CD160: variants seen among roughly 807,000 people sequenced by gnomAD.
CD160 encodes the protein CD160 antigen.
A neutral mutation model predicts 19.2 loss-of-function variants in CD160; 11 were observed. The observed-to-expected ratio is 0.57, with a 90% CI of 0.36 to 0.95. CD160 has a LOEUF of 0.95. Ranked by LOEUF, CD160 falls within the 40% of genes least tolerant of loss-of-function variation. The pLI, the probability that CD160 is intolerant of heterozygous loss-of-function variation, is 0.01. For synonymous variants in CD160, 75 were observed against 81.1 expected (o/e 0.93, Z 0.40); for missense variants, 182 against 213.2 (o/e 0.85, Z 0.91).
chr1:145,728,239 T>TC lies in CD160; in HGVS notation c.-72-12dup. ...ACCCTGGAAGGCTTTGTCTAGTGGGTCCCCCTGTGCTTTTAGGAGACTGAA... is the reference window on the plus strand; with the variant it reads ...ACCCTGGAAGGCTTTGTCTAGTGGGTCCCCCCTGTGCTTTTAGGAGACTGAA... On this transcript the variant is annotated splice_polypyrimidine_tract_variant and intron_variant, in intron 2 of 5. Coordinates refer to ENST00000369288, the MANE Select transcript of CD160 (RefSeq NM_007053.4). 1 of 894,798 alleles carries TC rather than the reference T, an allele frequency of 1.1e-6. No individual in the cohort carries two copies. Among genetic ancestry groups the TC allele is most frequent in the Non-Finnish European group, 1.8e-6 (1 of 546,846 alleles). 55.4% of individuals were successfully genotyped at this position (894,798 alleles called of 1,614,324 possible). A position where few individuals can be genotyped will look rare whatever the true frequency, so the allele number is the denominator to read the frequency against.
intron 5 of CD160, chr1:145,736,361 A>T (rs1204137225): frequency 9.8e-6 from 13 of 1,321,610 alleles, no homozygotes; most frequent in Non-Finnish European, 1.2e-5. Context: ...AGGAGGTAAG[A>T]CTCATTAGGA....
At chr1:145,722,404 G>C (rs587723443) in intron 1 of CD160, among the ~76,000 whole-genome samples, 23 of 152,232 alleles carry the variant, frequency 1.5e-4, no homozygotes, top group Non-Finnish European at 2.2e-4. Flanking sequence ...TCTGACTCTA[G>C]AGACCATTTA....
chr1:145,720,010 G>A (rs941834778), intron 1 of CD160, among the ~76,000 whole-genome samples: 1 of 152,124 alleles, frequency 6.6e-6, no homozygotes. Context: ...GAATTGGGGG[G>A]AAAAATACAT....
At chr1:145,737,952 C>T (rs1266627192) in intron 5 of CD160, 2 of 152,270 alleles carry the variant, frequency 1.3e-5, no homozygotes, top group South Asian at 4.2e-4. Flanking sequence ...TTTTCTTTAT[C>T]CTTCTTCCCC....
At chr1:145,733,185 G>A (rs189574190) in intron 4 of CD160, among the ~76,000 whole-genome samples, 50 of 152,024 alleles carry the variant, frequency 3.3e-4, no homozygotes, top group African/African-American at 1.2e-3. Context: ...CCGGGCTGGA[G>A]AGCAGTGGCG....
At chr1:145,733,601 G>A (rs1303192586) in intron 4 of CD160, among the ~76,000 whole-genome samples, 2 of 152,002 alleles carry the variant, frequency 1.3e-5, no homozygotes, top group African/African-American at 4.8e-5. Flanking sequence ...TTTGTTCCTT[G>A]CTTCCTGGTG....
intron 3 of CD160, 96 bp downstream of exon 3, chr1:145,728,496 G>C: frequency 3.3e-6 from 2 of 603,304 alleles, no homozygotes; most frequent in Non-Finnish European, 5.6e-6. Context: ...GGGAAACAAA[G>C]GACTCTTTTT....
rs587774168 is a variant in CD160 at position 145,735,931 on chromosome 1, G to A, written c.401-66G>A. 137 of 1,085,984 alleles carry A rather than the reference G, an allele frequency of 1.3e-4. No homozygotes were observed. In the South Asian group the frequency reaches 2.0e-3, roughly 16 times the overall value. 67.3% of individuals were successfully genotyped at this position (1,085,984 alleles called of 1,614,324 possible). A position where few individuals can be genotyped will look rare whatever the true frequency, so the allele number is the denominator to read the frequency against. ...GATCATAAAAGAGATGTTATGAGAT[G>A]ATGCAAAAGGAGATACTGATGATTT... On this transcript the variant is annotated intron_variant, in intron 4 of 5. Transcript: ENST00000369288.
chr1:145,734,000 A>G (rs1171374528), intron 4 of CD160, among the ~76,000 whole-genome samples: 2 of 152,196 alleles, frequency 1.3e-5, no homozygotes, highest in South Asian at 2.1e-4. Context: ...TATCAAAGCT[A>G]TCCTCCTGAG....
intron 4 of CD160, among the ~76,000 whole-genome samples, chr1:145,735,518 G>A (rs1251384233): frequency 6.6e-6 from 1 of 152,134 alleles, no homozygotes; most frequent in African/African-American, 2.4e-5. Flanking sequence ...CTCGGGGCAT[G>A]AGGCTGCAGT....
At chr1:145,728,704 A>G (rs587649312) in intron 3 of CD160, among the ~76,000 whole-genome samples, 1 of 152,074 alleles carries the variant, frequency 6.6e-6, no homozygotes, top group South Asian at 2.1e-4. Flanking sequence ...GGGTTTCACC[A>G]TATTGGTCAG....
chr1:145,721,752 C>A (rs1247048973), intron 1 of CD160, among the ~76,000 whole-genome samples: 28 of 152,140 alleles, frequency 1.8e-4, no homozygotes, highest in Non-Finnish European at 5.9e-5. Flanking sequence ...CTTAATTCAC[C>A]CACCGTATTC....
intron 4 of CD160, among the ~76,000 whole-genome samples, chr1:145,735,510 C>T (rs782434138): frequency 3.3e-5 from 5 of 151,964 alleles, no homozygotes; most frequent in Non-Finnish European, 5.9e-5. Flanking sequence ...CGATTGGGCT[C>T]GGGGCATGAG....
intron 5 of CD160, chr1:145,736,538 T>C: frequency 3.7e-6 from 1 of 273,628 alleles, no homozygotes; most frequent in Admixed American, 4.7e-5. Flanking sequence ...CAGCAAAGGC[T>C]GATGGCCAGA....
chr1:145,721,455 GC>G (rs1303185850), intron 1 of CD160, among the ~76,000 whole-genome samples: 19 of 152,212 alleles, frequency 1.2e-4, no homozygotes, highest in Non-Finnish European at 2.5e-4. Flanking sequence ...TGACCTCGCT[GC>G]CCCCCAGCGC....
At chr1:145,722,224 C>T (rs1475792174) in intron 1 of CD160, among the ~76,000 whole-genome samples, 1 of 152,230 alleles carries the variant, frequency 6.6e-6, no homozygotes, top group Non-Finnish European at 1.5e-5. Flanking sequence ...TGAGCCCTTA[C>T]TCTCTGCCAG....
intron 3 of CD160, 61 bp downstream of exon 3, chr1:145,728,461 C>A: frequency 1.0e-6 from 1 of 985,416 alleles, no homozygotes; most frequent in Non-Finnish European, 1.6e-6. Flanking sequence ...GTGGGAAGGG[C>A]TGGATCCCGT....
Position 145,736,095 on chromosome 1 carries a change from G to A in CD160, c.499G>A (p.Val167Ile), listed in dbSNP as rs1382223071. ...CAGTTCAGGCTTCCTACAAGAAAAGGTCTGGGTAATGCTGGTCACCAGCCT... is the reference window on the plus strand; with the variant it reads ...CAGTTCAGGCTTCCTACAAGAAAAGATCTGGGTAATGCTGGTCACCAGCCT... ...TLSSGFLQEK[V>I]WVMLVTSLVA... The change falls in exon 5 of 6, where the codon GTC becomes ATC. Residue 167 changes from valine (V) to isoleucine (I), a missense_variant. Physicochemically the swap from Val to Ile is conservative, Grantham distance 29. Coordinates refer to ENST00000369288, the MANE Select transcript of CD160 (RefSeq NM_007053.4). 9 of 1,614,038 alleles carry A rather than the reference G, an allele frequency of 5.6e-6. No homozygotes were observed. Among genetic ancestry groups the A allele is most frequent in the East Asian group, 2.2e-5 (1 of 44,886 alleles).
chr1:145,729,159 TG>T lies in CD160; in HGVS notation c.73+760del, dbSNP rs1405065102. On this transcript the variant is annotated intron_variant, in intron 3 of 5. Coordinates refer to ENST00000369288, the MANE Select transcript of CD160 (RefSeq NM_007053.4). Reference sequence around the variant, plus strand: ...AAATAAAATATAAACCATTTTGGAGTGAATCAATGGCTGGGATTGCAGGTCT... The same window carrying T: ...AAATAAAATATAAACCATTTTGGAGTAATCAATGGCTGGGATTGCAGGTCT... Among the ~76,000 whole-genome samples, 4 of 152,218 alleles carry T rather than the reference TG, an allele frequency of 2.6e-5. No homozygotes were observed. In the East Asian group the frequency reaches 7.7e-4, roughly 29 times the overall value.
Sources: gnomAD v4.1 joint callset for allele counts (sites outside exome capture counted in the v4.1 genomes callset) on GRCh38, gnomAD v4.1.1 for gene constraint, MANE v1.5 for transcripts, NCBI Gene and HGNC (gene_info 2026-07-23, HGNC 2026-07-21) for gene names.